SAMD5: variants seen among roughly 807,000 people sequenced by gnomAD.
SAMD5 encodes sterile alpha motif domain-containing protein 5.
In SAMD5, 13 loss-of-function variants were observed where a neutral mutation model predicts 11.3. That is an observed-to-expected ratio of 1.15 (90% CI 0.75 to 1.83). The LOEUF (loss-of-function observed/expected upper bound fraction) is 1.83. Among genes scored for constraint, SAMD5 ranks in the 40% most tolerant of loss-of-function variants. The pLI, the probability that SAMD5 is intolerant of heterozygous loss-of-function variation, is 0.00. For missense variants in SAMD5, 255 were observed against 239.1 expected (o/e 1.07, Z -0.44); for synonymous variants, 129 against 111.3 (o/e 1.16, Z -1.00).
the SAMD5 span, among the ~76,000 whole-genome samples, chr6:147,924,634 C>T: frequency 5.9e-5 from 9 of 151,268 alleles, no homozygotes; most frequent in Admixed American, 2.0e-4. Context: ...ATAAATAAAC[C>T]GAACAAAACT....
At chr6:147,940,202 ATTT>A in the SAMD5 span, among the ~76,000 whole-genome samples, 4,468 of 133,132 alleles carry the variant, frequency 0.034, 102 homozygotes, top group Middle Eastern at 0.06. Flanking sequence ...GGCAGAATTC[ATTT>A]TTTTTTTTTT....
chr6:147,544,892 A>T (rs1788662496), intron 1 of SAMD5, among the ~76,000 whole-genome samples: 1 of 152,198 alleles, frequency 6.6e-6, no homozygotes. Context: ...TTAATTCTGC[A>T]TAGCTGAAAT....
At chr6:147,722,132 A>G (rs1188526519) in intron 1 of SAMD5, among the ~76,000 whole-genome samples, 1 of 152,188 alleles carries the variant, frequency 6.6e-6, no homozygotes, top group Non-Finnish European at 1.5e-5. Context: ...TATTACAGGT[A>G]TTTTCATTTA....
At chr6:147,685,005 A>T (rs560170996) in intron 1 of SAMD5, among the ~76,000 whole-genome samples, 1 of 152,332 alleles carries the variant, frequency 6.6e-6, no homozygotes, top group African/African-American at 2.4e-5. Context: ...CTTTGTAAAA[A>T]AATTGAATAA....
At chr6:147,853,598 T>C in the SAMD5 span, among the ~76,000 whole-genome samples, 66 of 150,696 alleles carry the variant, frequency 4.4e-4, no homozygotes, top group African/African-American at 1.4e-3. Context: ...TCTTTTTCTT[T>C]AGGTAAATTA....
intron 1 of SAMD5, among the ~76,000 whole-genome samples, chr6:147,591,179 G>T (rs1789448367): frequency 6.6e-6 from 1 of 151,724 alleles, no homozygotes; most frequent in Non-Finnish European, 1.5e-5. Flanking sequence ...TGGGGAAAAG[G>T]TCAACAGAGC....
At chr6:147,686,926 C>T (rs925758050) in intron 1 of SAMD5, among the ~76,000 whole-genome samples, 3 of 151,802 alleles carry the variant, frequency 2.0e-5, no homozygotes, top group Non-Finnish European at 4.4e-5. Flanking sequence ...ATACATGTGC[C>T]GAACGTGCAG....
the SAMD5 span, among the ~76,000 whole-genome samples, chr6:147,797,169 G>A: frequency 7.9e-6 from 1 of 127,388 alleles, no homozygotes; most frequent in Non-Finnish European, 1.6e-5. Context: ...AATGCTTCCA[G>A]TTTTTGCCCA....
At chr6:147,771,262 C>T in the SAMD5 span, among the ~76,000 whole-genome samples, 1 of 152,176 alleles carries the variant, frequency 6.6e-6, no homozygotes, top group African/African-American at 2.4e-5. Flanking sequence ...TACCTAATTG[C>T]TCTTGTACCT....
At position 147,726,989 on chromosome 6, in the gene SAMD5, A is replaced by G. The variant is rs1488764097; in HGVS notation, c.163-10328A>G. Among the ~76,000 whole-genome samples, 4 of 152,312 alleles carry G rather than the reference A, an allele frequency of 2.6e-5. No homozygotes were observed. The East Asian group carries it at 7.7e-4, about 29-fold the overall frequency. ...CTCACCTCTCTGCAGACTTTCCTTG[A>G]CATAACTAAAAACTAGCATTTCTAA... On this transcript the variant is annotated intron_variant, in intron 1 of 1. Transcript: ENST00000566741.
chr6:147,694,979 T>G (rs1273306653), intron 1 of SAMD5, among the ~76,000 whole-genome samples: 1 of 152,216 alleles, frequency 6.6e-6, no homozygotes, highest in African/African-American at 2.4e-5. Flanking sequence ...GAAACTAGCA[T>G]GAGTAAATAA....
intron 1 of SAMD5, among the ~76,000 whole-genome samples, chr6:147,699,401 A>G (rs1352751618): frequency 6.6e-6 from 1 of 152,188 alleles, no homozygotes; most frequent in Non-Finnish European, 1.5e-5. Flanking sequence ...ACCTACTTGT[A>G]CTGTAGTATT....
the SAMD5 span, among the ~76,000 whole-genome samples, chr6:147,885,307 T>C: frequency 0.21 from 31,504 of 151,684 alleles, 4,822 homozygotes; most frequent in African/African-American, 0.43. Context: ...TCCACAACAA[T>C]TTTTTTTAAG....
intron 1 of SAMD5, among the ~76,000 whole-genome samples, chr6:147,534,911 A>G (rs1328915267): frequency 6.6e-6 from 1 of 152,208 alleles, no homozygotes; most frequent in Non-Finnish European, 1.5e-5. Flanking sequence ...CAGGGCTGTT[A>G]CTGTCTTTGT....
intron 1 of SAMD5, among the ~76,000 whole-genome samples, chr6:147,708,627 G>T (rs1210141288): frequency 6.6e-6 from 1 of 152,118 alleles, no homozygotes; most frequent in African/African-American, 2.4e-5. Flanking sequence ...TTAAAGCCTG[G>T]GTAGATGTGG....
intron 1 of SAMD5, among the ~76,000 whole-genome samples, chr6:147,537,932 T>C (rs1788537859): frequency 6.6e-6 from 1 of 152,172 alleles, no homozygotes; most frequent in Admixed American, 6.5e-5. Context: ...TAACATTACA[T>C]AAAAATCGTC....
chr6:147,799,733 C>T, the SAMD5 span, among the ~76,000 whole-genome samples: 11 of 151,808 alleles, frequency 7.2e-5, no homozygotes, highest in Admixed American at 2.0e-4. Context: ...GGTCTTTTCA[C>T]ATAGTCCCAT....
chr6:147,643,750 A>AAGGAAGGG (rs1438561265), intron 1 of SAMD5, among the ~76,000 whole-genome samples: 4 of 128,268 alleles, frequency 3.1e-5, no homozygotes, highest in African/African-American at 9.3e-5. Flanking sequence ...GGAAAGAAGG[A>AAGGAAGGG]AGGAAGGAAG....
chr6:147,713,891 T>A (rs1036731639), intron 1 of SAMD5, among the ~76,000 whole-genome samples: 3 of 152,132 alleles, frequency 2.0e-5, no homozygotes, highest in Non-Finnish European at 4.4e-5. Flanking sequence ...TCCTCTCCTC[T>A]TGTCCCTTCC....
Sources: gnomAD v4.1 joint callset for allele counts (sites outside exome capture counted in the v4.1 genomes callset) on GRCh38, gnomAD v4.1.1 for gene constraint, MANE v1.5 for transcripts, NCBI Gene and HGNC (gene_info 2026-07-23, HGNC 2026-07-21) for gene names.